MAF: variants seen among roughly 807,000 people sequenced by gnomAD.
MAF encodes MAF bZIP transcription factor.
In MAF, 10 loss-of-function variants were observed where a neutral mutation model predicts 22.0. The ratio of observed to expected loss-of-function variants is 0.45; its 90% confidence interval spans 0.28 to 0.77. The LOEUF (loss-of-function observed/expected upper bound fraction) is 0.77. Ranked by LOEUF, MAF falls within the 30% of genes least tolerant of loss-of-function variation. The pLI is 0.12. For missense variants in MAF, 544 were observed against 548.4 expected, an observed-to-expected ratio of 0.99 and a Z score of 0.08; for synonymous variants, 337 against 255.8, an observed-to-expected ratio of 1.32 and a Z score of -3.03.
At chr16:79,494,619 C>G in the MAF span, among the ~76,000 whole-genome samples, 1 of 152,184 alleles carries the variant, frequency 6.6e-6, no homozygotes, top group East Asian at 1.9e-4. Context: ...AAAAACCCCA[C>G]TATTTCTCCA....
the MAF span, among the ~76,000 whole-genome samples, chr16:79,516,452 T>C: frequency 6.6e-5 from 10 of 152,128 alleles, no homozygotes; most frequent in Admixed American, 1.3e-4. Flanking sequence ...CAAAGGTGAG[T>C]ATTATTATCC....
the MAF span, among the ~76,000 whole-genome samples, chr16:79,380,180 G>A: frequency 1.3e-5 from 2 of 152,024 alleles, no homozygotes; most frequent in South Asian, 4.2e-4. Context: ...GTTTCCTATT[G>A]GCTAAATGCA....
chr16:79,442,049 A>C, the MAF span, among the ~76,000 whole-genome samples: 31 of 152,338 alleles, frequency 2.0e-4, no homozygotes, highest in East Asian at 6.0e-3. Context: ...GCTGAGACAG[A>C]GGAATGGGAT....
chr16:79,561,157 T>A, the MAF span, among the ~76,000 whole-genome samples: 11 of 152,190 alleles, frequency 7.2e-5, no homozygotes, highest in Non-Finnish European at 1.6e-4. Flanking sequence ...TGGGCACACA[T>A]TTCTCTTCCA....
At chr16:79,566,076 G>A in the MAF span, among the ~76,000 whole-genome samples, 15 of 152,246 alleles carry the variant, frequency 9.9e-5, no homozygotes, top group South Asian at 4.1e-4. Context: ...ACAAACAAAC[G>A]CAACCAAACA....
the MAF span, among the ~76,000 whole-genome samples, chr16:79,417,426 G>A: frequency 9.2e-5 from 14 of 152,322 alleles, no homozygotes; most frequent in African/African-American, 3.4e-4. Context: ...AGGTGGAGGG[G>A]ATACTTCTCC....
At chr16:79,412,867 T>G in the MAF span, among the ~76,000 whole-genome samples, 3 of 152,214 alleles carry the variant, frequency 2.0e-5, no homozygotes, top group East Asian at 1.9e-4. Context: ...GATCCATCAG[T>G]GCTTGTCCTG....
chr16:79,289,854 A>AT, the MAF span, among the ~76,000 whole-genome samples: 46 of 55,632 alleles, frequency 8.3e-4, 2 homozygotes, highest in African/African-American at 1.5e-3. Context: ...TTGTTTGTGT[A>AT]TTTTTTTTTT....
chr16:79,381,777 C>T, the MAF span, among the ~76,000 whole-genome samples: 7 of 152,282 alleles, frequency 4.6e-5, no homozygotes, highest in East Asian at 1.9e-4. Flanking sequence ...TTGACAAAGA[C>T]GGAGGTTGCC....
the MAF span, among the ~76,000 whole-genome samples, chr16:79,551,888 C>A: frequency 1.3e-5 from 2 of 151,928 alleles, no homozygotes; most frequent in African/African-American, 4.8e-5. Context: ...GCTCTCTGGC[C>A]CTCTATGGAA....
At chr16:79,469,123 C>G in the MAF span, among the ~76,000 whole-genome samples, 1 of 152,292 alleles carries the variant, frequency 6.6e-6, no homozygotes, top group Admixed American at 6.5e-5. Context: ...AGGTTGCAAA[C>G]TGGAGCCCTG....
At chr16:79,431,788 A>G in the MAF span, among the ~76,000 whole-genome samples, 1 of 152,222 alleles carries the variant, frequency 6.6e-6, no homozygotes, top group Non-Finnish European at 1.5e-5. Context: ...TTCTGGTACT[A>G]GTTCTTGTGG....
chr16:79,495,044 C>G, the MAF span, among the ~76,000 whole-genome samples: 8 of 152,220 alleles, frequency 5.3e-5, no homozygotes, highest in East Asian at 1.5e-3. Flanking sequence ...GGCGTGTCAC[C>G]CCCCCAGACA....
chr16:79,361,898 C>A, the MAF span, among the ~76,000 whole-genome samples: 3 of 152,156 alleles, frequency 2.0e-5, no homozygotes, highest in Non-Finnish European at 4.4e-5. Flanking sequence ...GCAGACAGAA[C>A]GTTTGTCCTG....
At chr16:79,567,228 G>C in the MAF span, among the ~76,000 whole-genome samples, 2 of 152,136 alleles carry the variant, frequency 1.3e-5, no homozygotes, top group African/African-American at 2.4e-5. Flanking sequence ...TGAGGCAGGA[G>C]AATCGCTTGA....
the MAF span, among the ~76,000 whole-genome samples, chr16:79,453,218 T>C: frequency 6.6e-6 from 1 of 152,078 alleles, no homozygotes; most frequent in Non-Finnish European, 1.5e-5. Flanking sequence ...TATTCTGAGG[T>C]CTCTACTCTA....
the MAF span, among the ~76,000 whole-genome samples, chr16:79,501,518 C>G: frequency 6.6e-6 from 1 of 152,014 alleles, no homozygotes; most frequent in South Asian, 2.1e-4. Context: ...TATTTTATGT[C>G]AAAATGCTTG....
the MAF span, among the ~76,000 whole-genome samples, chr16:79,470,612 C>G: frequency 1.3e-5 from 2 of 152,148 alleles, no homozygotes; most frequent in Non-Finnish European, 2.9e-5. Flanking sequence ...TCATAGCAAC[C>G]CAGTGGAACT....
the MAF span, among the ~76,000 whole-genome samples, chr16:79,226,818 T>C: frequency 3.9e-5 from 6 of 152,090 alleles, 1 homozygote; most frequent in Non-Finnish European, 7.4e-5. Flanking sequence ...TGACAAAATA[T>C]GCCAGTGCTT....
Sources: allele counts gnomAD v4.1 joint callset (sites outside exome capture counted in the v4.1 genomes callset), GRCh38; gene constraint gnomAD v4.1.1; transcripts MANE v1.5; gene names NCBI Gene and HGNC (gene_info 2026-07-23, HGNC 2026-07-21).